The following LRCH1 variants were observed in gnomAD, a reference collection of about 807,000 sequenced individuals.
LRCH1 encodes the protein leucine-rich repeat and calponin homology domain-containing protein 1.
Under a neutral mutation model 94.9 loss-of-function variants are expected in LRCH1, and 23 were observed. The ratio of observed to expected loss-of-function variants is 0.24; its 90% CI spans 0.17 to 0.34. The LOEUF (loss-of-function observed/expected upper bound fraction) is 0.34, where lower values mean the gene tolerates loss of function less well. Among genes scored for constraint, LRCH1 ranks in the 10% least tolerant of loss-of-function variants. LRCH1 has a pLI of 1.00. For missense variants in LRCH1, 790 were observed against 945.9 expected (o/e 0.84, Z 2.16); for synonymous variants, 364 against 354.9 (o/e 1.03, Z -0.29).
At chr13:46,657,702 T>TTTTTC (rs2051394215) in intron 2 of LRCH1, among the ~76,000 whole-genome samples, 1 of 128,394 alleles carries the variant, frequency 7.8e-6, no homozygotes. Context: ...ATTTTTTTTT[T>TTTTTC]TTTTTTGGTA....
intron 9 of LRCH1, among the ~76,000 whole-genome samples, chr13:46,698,219 G>C (rs972892699): frequency 1.3e-5 from 2 of 152,234 alleles, no homozygotes; most frequent in Admixed American, 6.5e-5. Context: ...CTGGTCCCCA[G>C]TTAGCTAATG....
At chr13:46,694,826 G>A in intron 8 of LRCH1, 67 bp from the exon 9 acceptor site, 5 of 1,546,808 alleles carry the variant, frequency 3.2e-6, no homozygotes, top group Non-Finnish European at 4.4e-6. Context: ...CATATTTGAA[G>A]ATCAGCTGTG....
chr13:46,718,410 C>G (rs1872431703), intron 16 of LRCH1, among the ~76,000 whole-genome samples: 1 of 152,112 alleles, frequency 6.6e-6, no homozygotes, highest in Non-Finnish European at 1.5e-5. Flanking sequence ...GCTCTTAACT[C>G]TGGTTTTATA....
In LRCH1 at chr13:46,704,466, A is replaced by T. The variant is rs1004670946; in HGVS notation, c.1401-602A>T. Among the ~76,000 whole-genome samples the T allele has an allele frequency of 3.9e-4, 60 of 152,184 alleles. 1 individual carries two copies. The highest frequency in any genetic ancestry group is 1.4e-3 in the African/African-American group (58 of 41,560). ...TGATTGTTAGTTTGACAGCATTTTC[A>T]TAGGCCTCTATAATATAAATGCATC... On this transcript the variant is annotated intron_variant, in intron 11 of 19. Coordinates refer to ENST00000389797, the MANE Select transcript of LRCH1 (RefSeq NM_001164211.2).
intron 1 of LRCH1, among the ~76,000 whole-genome samples, chr13:46,603,175 C>T (rs985427726): frequency 1.9e-4 from 29 of 151,892 alleles, no homozygotes; most frequent in Admixed American, 1.5e-3. Flanking sequence ...AGCAGAGACA[C>T]GGAGAGCCTC....
chr13:46,582,669 T>TTTTTTTTTTTTTC (rs2050385556), intron 1 of LRCH1, among the ~76,000 whole-genome samples: 1 of 124,634 alleles, frequency 8.0e-6, no homozygotes, highest in African/African-American at 3.0e-5. Context: ...TTTTTTTTTT[T>TTTTTTTTTTTTTC]TTTGTATTTT....
intron 1 of LRCH1, among the ~76,000 whole-genome samples, chr13:46,619,593 T>C (rs1039556274): frequency 6.6e-6 from 1 of 152,186 alleles, no homozygotes; most frequent in African/African-American, 2.4e-5. Context: ...AAAGAGAAGA[T>C]ACTTGATTAG....
chr13:46,610,946 C>T (rs544399034), intron 1 of LRCH1, among the ~76,000 whole-genome samples: 1 of 152,244 alleles, frequency 6.6e-6, no homozygotes, highest in South Asian at 2.1e-4. Context: ...TCAGAATAAT[C>T]ACTGATCCTC....
At chr13:46,709,915 A>G (rs1188897867) in intron 13 of LRCH1, among the ~76,000 whole-genome samples, 1 of 152,248 alleles carries the variant, frequency 6.6e-6, no homozygotes, top group Non-Finnish European at 1.5e-5. Context: ...TCACAGGGCC[A>G]GTGATAAGGA....
chr13:46,590,207 T>C (rs1284692549), intron 1 of LRCH1, among the ~76,000 whole-genome samples: 3 of 152,186 alleles, frequency 2.0e-5, no homozygotes, highest in South Asian at 2.1e-4. Context: ...GTGACACTTG[T>C]CAACTTCTGA....
At chr13:46,715,410 A>G in intron 15 of LRCH1, 150 bp from the exon 16 acceptor site, 1 of 619,518 alleles carries the variant, frequency 1.6e-6, no homozygotes, top group South Asian at 1.9e-5. Context: ...CTTCTCCTAT[A>G]TTGTGCATTT....
chr13:46,744,010 G>C lies in LRCH1; in HGVS notation c.*2162G>C, dbSNP rs1247504081. Reference sequence around the variant, plus strand: ...ATGATGTTTTTTCATTAGTAGTATGGTAACTAGCAGAACACAATTAATTTA... The same window carrying C: ...ATGATGTTTTTTCATTAGTAGTATGCTAACTAGCAGAACACAATTAATTTA... On this transcript the variant is annotated 3_prime_UTR_variant, in exon 20 of 20. Coordinates refer to ENST00000389797, the MANE Select transcript of LRCH1 (RefSeq NM_001164211.2). 6 of 985,176 alleles carry C rather than the reference G, an allele frequency of 6.1e-6. No individual in the cohort carries two copies. Among genetic ancestry groups the C allele is most frequent in the Non-Finnish European group, 7.2e-6 (6 of 829,918 alleles). The allele number at this position is 985,176 out of a possible 1,614,324, so 61.0% of individuals were successfully genotyped here.
intron 1 of LRCH1, among the ~76,000 whole-genome samples, chr13:46,590,234 A>T (rs911640710): frequency 6.6e-6 from 1 of 152,098 alleles, no homozygotes; most frequent in South Asian, 2.1e-4. Flanking sequence ...TCTCTTCCTT[A>T]TTTTAAAAGA....
chr13:46,597,312 T>G (rs931300607), intron 1 of LRCH1, among the ~76,000 whole-genome samples: 5 of 152,182 alleles, frequency 3.3e-5, no homozygotes, highest in African/African-American at 7.2e-5. Flanking sequence ...GTGATTTCAC[T>G]GTTTAAAATG....
rs373736027 is a variant in LRCH1, at chr13:46,692,528, C to A, written c.1015-8C>A. ...TCTTGAGTTAAACAGTGCACTGTAT[C>A]TTTTTAGCCTTCTGACGAAGACACT... On this transcript the variant is annotated splice_region_variant and splice_polypyrimidine_tract_variant and intron_variant, in intron 7 of 19. Coordinates refer to ENST00000389797, the MANE Select transcript of LRCH1 (RefSeq NM_001164211.2). 5.7e-5 allele frequency: 91 copies of A among 1,604,138 alleles called. No individual in the cohort carries two copies. In the African/African-American group the frequency reaches 1.0e-3, roughly 18 times the overall value.
chr13:46,681,886 T>C, intron 4 of LRCH1, 40 bp downstream of exon 4: 1 of 1,313,766 alleles, frequency 7.6e-7, no homozygotes, highest in Non-Finnish European at 1.1e-6. Flanking sequence ...ATGGGAGACT[T>C]GCATTATTTT....
At chr13:46,657,964 A>G (rs1278569536) in intron 2 of LRCH1, among the ~76,000 whole-genome samples, 1 of 152,136 alleles carries the variant, frequency 6.6e-6, no homozygotes, top group East Asian at 1.9e-4. Context: ...TTCATAATTA[A>G]TAGAAATGAA....
intron 2 of LRCH1, among the ~76,000 whole-genome samples, chr13:46,653,688 G>A (rs888410471): frequency 7.2e-5 from 11 of 151,920 alleles, no homozygotes; most frequent in Admixed American, 2.6e-4. Flanking sequence ...AAAAGTAGCC[G>A]GGCGTGGTGG....
intron 2 of LRCH1, among the ~76,000 whole-genome samples, chr13:46,664,793 A>G (rs1025068526): frequency 6.6e-6 from 1 of 152,128 alleles, no homozygotes; most frequent in Non-Finnish European, 1.5e-5. Context: ...CGTGTTAGGT[A>G]GGTCTTATTG....
Sources: allele counts gnomAD v4.1 joint callset (sites outside exome capture counted in the v4.1 genomes callset), GRCh38; gene constraint gnomAD v4.1.1; transcripts MANE v1.5; gene names NCBI Gene and HGNC (gene_info 2026-07-23, HGNC 2026-07-21).